CNTNAP2: variants seen among roughly 807,000 people sequenced by gnomAD.
CNTNAP2 encodes the protein contactin-associated protein-like 2.
Under a neutral mutation model 155.2 loss-of-function variants are expected in CNTNAP2, and 98 were observed. That is an observed-to-expected ratio of 0.63 (90% CI 0.54 to 0.75). The LOEUF (loss-of-function observed/expected upper bound fraction) is 0.75. Ranked by LOEUF, CNTNAP2 falls within the 30% of genes least tolerant of loss-of-function variation. The pLI, the probability that CNTNAP2 is intolerant of heterozygous loss-of-function variation, is 0.00. For missense variants in CNTNAP2, 1,727 were observed against 1,688.1 expected (o/e 1.02, Z -0.40); for synonymous variants, 651 against 631.2 (o/e 1.03, Z -0.47).
intron 10 of CNTNAP2, among the ~76,000 whole-genome samples, chr7:147,409,278 C>G (rs181347151): frequency 6.6e-6 from 1 of 152,230 alleles, no homozygotes; most frequent in Admixed American, 6.5e-5. Flanking sequence ...TTTGACAAAG[C>G]TGACAAATAT....
chr7:147,300,239 C>A lies in CNTNAP2; in HGVS notation c.1447C>A (p.Arg483=). The change falls in exon 9 of 24, where the codon CGA becomes AGA. Residue 483 remains arginine, a synonymous_variant. Transcript: ENST00000361727. ...TIDGDEASAV[R]TNSPLQVKTG... ...CGATGGAGATGAAGCATCAGCAGTT[C>A]GAACTAATAGTCCCCTTCAAGTTAA... The A allele has an allele frequency of 6.2e-7, 1 of 1,613,890 alleles. No homozygotes were observed. The highest frequency in any genetic ancestry group is 8.5e-7 in the Non-Finnish European group (1 of 1,179,900).
chr7:147,315,951 A>ATG (rs968486815), intron 9 of CNTNAP2, among the ~76,000 whole-genome samples: 3 of 152,116 alleles, frequency 2.0e-5, no homozygotes, highest in East Asian at 1.9e-4. Context: ...ATATACATAT[A>ATG]TGTGTGTATA....
intron 1 of CNTNAP2, among the ~76,000 whole-genome samples, chr7:146,358,196 G>A (rs1017423387): frequency 5.1e-4 from 78 of 151,978 alleles, no homozygotes; most frequent in African/African-American, 1.8e-3. Flanking sequence ...CACCATGCCC[G>A]GCTAATTTTT....
At chr7:146,417,597 A>G (rs939654266) in intron 1 of CNTNAP2, among the ~76,000 whole-genome samples, 4 of 152,008 alleles carry the variant, frequency 2.6e-5, no homozygotes, top group African/African-American at 7.3e-5. Flanking sequence ...GGCTATTAGC[A>G]AGATAATCTG....
intron 20 of CNTNAP2, among the ~76,000 whole-genome samples, chr7:148,235,921 G>A (rs1031593799): frequency 1.1e-4 from 17 of 152,000 alleles, no homozygotes; most frequent in South Asian, 6.2e-4. Context: ...TCCTGACCTC[G>A]TGATCCACCC....
intron 4 of CNTNAP2, among the ~76,000 whole-genome samples, chr7:147,086,691 C>G (rs1394721921): frequency 6.6e-6 from 1 of 152,082 alleles, no homozygotes; most frequent in Non-Finnish European, 1.5e-5. Context: ...TCCACCCCAG[C>G]CTCCCAAATC....
intron 8 of CNTNAP2, among the ~76,000 whole-genome samples, chr7:147,288,014 T>A (rs1022712381): frequency 6.6e-6 from 1 of 152,136 alleles, no homozygotes; most frequent in Admixed American, 6.6e-5. Flanking sequence ...TCTTATTTCC[T>A]CAGTCCTTCC....
chr7:146,126,696 A>G lies in CNTNAP2; in HGVS notation c.97+9723A>G, dbSNP rs1344841093. ...AAAGATGGTAATTGTTTAATCTATA[A>G]GCACAGTTTTGAGTATTCATTTCAT... is the stretch of plus-strand genomic sequence containing the variant. On this transcript the variant is annotated intron_variant, in intron 1 of 23. Coordinates refer to ENST00000361727, the MANE Select transcript of CNTNAP2 (RefSeq NM_014141.6). Among the ~76,000 whole-genome samples the G allele has an allele frequency of 2.0e-5, 3 of 152,366 alleles. No homozygotes were observed. In the East Asian group the frequency reaches 5.8e-4, roughly 29 times the overall value.
intron 15 of CNTNAP2, among the ~76,000 whole-genome samples, chr7:148,094,557 G>T (rs976350314): frequency 6.6e-6 from 1 of 152,214 alleles, no homozygotes; most frequent in Non-Finnish European, 1.5e-5. Context: ...TGGTACTAGA[G>T]TCAGGGAGAC....
At chr7:147,788,519 T>G (rs1797771013) in intron 13 of CNTNAP2, among the ~76,000 whole-genome samples, 1 of 152,200 alleles carries the variant, frequency 6.6e-6, no homozygotes, top group Admixed American at 6.5e-5. Context: ...TGCTCTTTGT[T>G]GCTCAAAGTC....
chr7:147,979,577 T>G (rs1193730696), intron 15 of CNTNAP2, among the ~76,000 whole-genome samples: 1 of 152,212 alleles, frequency 6.6e-6, no homozygotes. Flanking sequence ...AATATATTTA[T>G]AAAAATTCCA....
chr7:146,413,420 A>G (rs1795894715), intron 1 of CNTNAP2, among the ~76,000 whole-genome samples: 1 of 152,216 alleles, frequency 6.6e-6, no homozygotes, highest in South Asian at 2.1e-4. Flanking sequence ...AAAACAAAGT[A>G]AAAAGCTGAG....
At chr7:146,913,132 G>A (rs1389180057) in intron 3 of CNTNAP2, among the ~76,000 whole-genome samples, 2 of 152,116 alleles carry the variant, frequency 1.3e-5, no homozygotes, top group East Asian at 3.9e-4. Context: ...CCTGAACCTC[G>A]AAAGTTAATT....
At chr7:146,906,188 C>A (rs1434797508) in intron 3 of CNTNAP2, among the ~76,000 whole-genome samples, 6 of 152,116 alleles carry the variant, frequency 3.9e-5, no homozygotes, top group East Asian at 3.9e-4. Context: ...GCACAGCAGT[C>A]TGAGATCAAA....
Position 146,839,747 on chromosome 7 carries a change from A to T in CNTNAP2, c.245A>T (p.Tyr82Phe), listed in dbSNP as rs771335680. 1.2e-5 allele frequency: 20 copies of T among 1,614,198 alleles called. No individual in the cohort carries two copies. Among genetic ancestry groups the T allele is most frequent in the Middle Eastern group, 1.6e-4 (1 of 6,062 alleles). ...GGWSPSDSDHYQWLQVDFGNR... is the reference protein window; with the variant it reads ...GGWSPSDSDHFQWLQVDFGNR... ...TGGTCTCCATCAGACAGCGACCATT[A>T]TCAATGGCTTCAGGTTGACTTTGGC... Residue 82 changes from tyrosine (Y) to phenylalanine (F), a missense_variant, in exon 3 of 24, where the codon TAT (tyrosine) becomes TTT (phenylalanine). By Grantham distance (22) the Tyr-to-Phe change is conservative. Transcript: ENST00000361727.
intron 9 of CNTNAP2, among the ~76,000 whole-genome samples, chr7:147,392,334 GTATTT>G (rs1796734014): frequency 6.6e-6 from 1 of 150,910 alleles, no homozygotes; most frequent in Non-Finnish European, 1.5e-5. Flanking sequence ...TGGTACTAAA[GTATTT>G]TATTCTATTT....
intron 8 of CNTNAP2, among the ~76,000 whole-genome samples, chr7:147,135,164 T>C (rs1801453585): frequency 6.6e-6 from 1 of 151,916 alleles, no homozygotes; most frequent in Non-Finnish European, 1.5e-5. Flanking sequence ...TAATATATTG[T>C]TCACCCTATC....
chr7:147,785,825 C>G (rs1036303520), intron 13 of CNTNAP2, among the ~76,000 whole-genome samples: 1 of 152,096 alleles, frequency 6.6e-6, no homozygotes, highest in Non-Finnish European at 1.5e-5. Flanking sequence ...AACCCCATCT[C>G]TACTAAAAAT....
chr7:147,727,946 C>G (rs1796671891), intron 13 of CNTNAP2, among the ~76,000 whole-genome samples: 1 of 151,962 alleles, frequency 6.6e-6, no homozygotes, highest in Admixed American at 6.6e-5. Context: ...TCACTAGCCA[C>G]CCCTATGGTC....
Sources: gnomAD v4.1 joint callset for allele counts (sites outside exome capture counted in the v4.1 genomes callset) on GRCh38, gnomAD v4.1.1 for gene constraint, MANE v1.5 for transcripts, NCBI Gene and HGNC (gene_info 2026-07-23, HGNC 2026-07-21) for gene names.